TMTC2: variants seen among roughly 807,000 people sequenced by gnomAD.
TMTC2 encodes the protein transmembrane O-mannosyltransferase targeting cadherins 2.
In TMTC2, 43 loss-of-function variants were observed where a neutral mutation model predicts 82.4. The ratio of observed to expected loss-of-function variants is 0.52; its 90% CI spans 0.41 to 0.67. The LOEUF (loss-of-function observed/expected upper bound fraction) is 0.67. Ranked by LOEUF, TMTC2 falls within the 30% of genes least tolerant of loss-of-function variation. The pLI is 0.00. For missense variants in TMTC2, 919 were observed against 1,012.4 expected (o/e 0.91, Z 1.25); for synonymous variants, 408 against 381.9 (o/e 1.07, Z -0.80).
rs774689101 is a variant in TMTC2, at chr12:83,030,809, T to C, written c.2082T>C (p.Ser694=). The C allele has an allele frequency of 6.2e-7, 1 of 1,613,306 alleles. No individual in the cohort carries two copies. Among genetic ancestry groups the C allele is most frequent in the South Asian group, 1.1e-5 (1 of 91,050 alleles). The part of the protein sequence containing the change: ...GKLLALTGRK[S]EAEKLFLKAI... ...CTCTGTTTTTCAAGGGTCGTAAGAG[T>C]GAGGCTGAAAAGCTCTTCTTGAAGG... The change falls in exon 9 of 12, where the codon AGT becomes AGC. Residue 694 remains serine, a synonymous_variant. Transcript: ENST00000321196.
chr12:82,857,213 C>T lies in TMTC2; in HGVS notation c.287C>T (p.Ala96Val), dbSNP rs1401666831. ...CATCTTGTCAATGTCCTGTTGCATG[C>T]AGCAGTCACTGGTCTCTTCACAAGC... ...SYHLVNVLLHAAVTGLFTSFS... is the reference protein window; with the variant it reads ...SYHLVNVLLHVAVTGLFTSFS... The change falls in exon 2 of 12, where the codon GCA (alanine) becomes GTA (valine). Residue 96 changes from alanine (A) to valine (V), a missense_variant. Ala to Val is a moderately conservative substitution (Grantham distance 64). Coordinates refer to ENST00000321196, the MANE Select transcript of TMTC2 (RefSeq NM_152588.3). 5.0e-6 allele frequency: 8 copies of T among 1,614,064 alleles called. No individual in the cohort carries two copies. The African/African-American group carries it at 8.0e-5, about 16-fold the overall frequency.
chr12:82,932,233 G>A (rs1876077184), intron 4 of TMTC2, among the ~76,000 whole-genome samples: 1 of 152,130 alleles, frequency 6.6e-6, no homozygotes, highest in African/African-American at 2.4e-5. Context: ...TTGTTCATAC[G>A]TTGACTTCGT....
At chr12:82,899,868 T>A (rs1243783151) in intron 3 of TMTC2, among the ~76,000 whole-genome samples, 1 of 144,582 alleles carries the variant, frequency 6.9e-6, no homozygotes, top group Non-Finnish European at 1.5e-5. Flanking sequence ...TGTAGGAATA[T>A]ATATACATAT....
At chr12:82,780,562 A>C (rs1208881002) in intron 1 of TMTC2, among the ~76,000 whole-genome samples, 1 of 152,156 alleles carries the variant, frequency 6.6e-6, no homozygotes, top group East Asian at 1.9e-4. Flanking sequence ...AGAGAAGTTC[A>C]CAAAGTTAGT....
chr12:83,026,855 T>C (rs955701627), intron 8 of TMTC2, among the ~76,000 whole-genome samples: 3 of 152,066 alleles, frequency 2.0e-5, no homozygotes, highest in African/African-American at 7.2e-5. Context: ...GCACCTGAGC[T>C]GAACAGTGGT....
intron 1 of TMTC2, among the ~76,000 whole-genome samples, chr12:82,801,453 TG>T (rs1878994250): frequency 6.6e-6 from 1 of 152,132 alleles, no homozygotes; most frequent in African/African-American, 2.4e-5. Context: ...ACTGCAGGCT[TG>T]GGCAGCCTGC....
intron 1 of TMTC2, among the ~76,000 whole-genome samples, chr12:82,840,776 C>A (rs1323562140): frequency 6.6e-6 from 1 of 152,012 alleles, no homozygotes; most frequent in East Asian, 1.9e-4. Flanking sequence ...TTGTTTTGTT[C>A]CGGTTTGTTT....
chr12:82,724,902 C>T (rs1874377527), intron 1 of TMTC2, among the ~76,000 whole-genome samples: 1 of 152,090 alleles, frequency 6.6e-6, no homozygotes, highest in African/African-American at 2.4e-5. Context: ...AAACACATTT[C>T]TGCTGTGAGG....
intron 1 of TMTC2, among the ~76,000 whole-genome samples, chr12:82,761,205 T>C (rs543102038): frequency 6.6e-6 from 1 of 152,348 alleles, no homozygotes; most frequent in East Asian, 1.9e-4. Flanking sequence ...TGTTAGCTTC[T>C]GAGTCTGCAT....
chr12:82,787,306 T>G lies in TMTC2; in HGVS notation c.84-69704T>G, dbSNP rs1380657358. On this transcript the variant is annotated intron_variant, in intron 1 of 11. Transcript: ENST00000321196. ...TTTCTGAGCTGAATTCCATTTTACA[T>G]GTGGGATAGCTTGTTTGTTGTTTTA... Among the ~76,000 whole-genome samples the G allele has an allele frequency of 2.6e-5, 4 of 152,132 alleles. No homozygotes were observed. The East Asian group carries it at 7.7e-4, about 29-fold the overall frequency.
Position 82,699,247 on chromosome 12 carries a change from G to A in TMTC2, c.83+11578G>A, listed in dbSNP as rs555130941. On this transcript the variant is annotated intron_variant, in intron 1 of 11. Transcript: ENST00000321196. Reference sequence around the variant, plus strand: ...TACTCTCTATCCACTCTTGTGGCCAGCAGTTTCCAGTCTCATTACAAAAGC... The same window carrying A: ...TACTCTCTATCCACTCTTGTGGCCAACAGTTTCCAGTCTCATTACAAAAGC... Among the ~76,000 whole-genome samples the A allele has an allele frequency of 4.6e-5, 7 of 152,300 alleles. No individual in the cohort carries two copies. In the South Asian group the frequency reaches 1.5e-3, roughly 32 times the overall value.
chr12:82,701,073 G>A (rs1873053662), intron 1 of TMTC2, among the ~76,000 whole-genome samples: 2 of 152,056 alleles, frequency 1.3e-5, no homozygotes, highest in Non-Finnish European at 2.9e-5. Context: ...ATGATAAGTG[G>A]GGATTATGGG....
intron 1 of TMTC2, among the ~76,000 whole-genome samples, chr12:82,805,738 C>T (rs928382502): frequency 9.2e-5 from 14 of 151,940 alleles, no homozygotes; most frequent in African/African-American, 2.9e-4. Flanking sequence ...ATCTCCTGAC[C>T]TTGTGATCTG....
chr12:83,017,892 T>A (rs942013503), intron 8 of TMTC2, among the ~76,000 whole-genome samples: 1 of 151,594 alleles, frequency 6.6e-6, no homozygotes, highest in African/African-American at 2.4e-5. Flanking sequence ...GGACTAGAAC[T>A]TAGGTTTCAG....
rs528183837 is a variant in TMTC2, at chr12:82,687,636, A to G, written c.50A>G (p.Asn17Ser). 1.9e-4 allele frequency: 300 copies of G among 1,605,078 alleles called. 5 individuals are homozygous for G. The South Asian group carries it at 3.2e-3, about 17-fold the overall frequency. The change falls in exon 1 of 12, where the codon AAC (asparagine) becomes AGC (serine). Residue 17 changes from asparagine (N) to serine (S), a missense_variant. Coordinates refer to ENST00000321196, the MANE Select transcript of TMTC2 (RefSeq NM_152588.3). ...GCTCTGGGGCTCGCCTTGTATCTCA[A>G]CACCCTGAGTGCGGATTTCTGCTAT... Reference protein sequence around the residue: ...SSALGLALYLNTLSADFCYDD... With the variant: ...SSALGLALYLSTLSADFCYDD...
At chr12:82,838,078 A>G (rs185163205) in intron 1 of TMTC2, among the ~76,000 whole-genome samples, 1 of 152,318 alleles carries the variant, frequency 6.6e-6, no homozygotes, top group East Asian at 1.9e-4. Flanking sequence ...TTCTTCACAT[A>G]CATTAAGTAA....
rs376945291 is a variant in TMTC2 at position 82,857,349 on chromosome 12, T to C, written c.423T>C (p.Asp141=). 2 of 1,614,064 alleles carry C rather than the reference T, an allele frequency of 1.2e-6. No individual in the cohort carries two copies. The highest frequency in any genetic ancestry group is 2.7e-5 in the African/African-American group (2 of 74,940). The part of the protein sequence containing the change: ...EAVAGIVGRA[D]VGASLFFLLS... The stretch of plus-strand genomic sequence containing the variant: ...TGGCAGGAATCGTGGGACGAGCCGA[T>C]GTCGGGGCCAGTCTCTTCTTTCTCC... The change falls in exon 2 of 12, where the codon GAT becomes GAC. Residue 141 remains aspartate (D), a synonymous_variant. Transcript: ENST00000321196.
intron 2 of TMTC2, among the ~76,000 whole-genome samples, chr12:82,881,087 T>C (rs896718639): frequency 1.3e-5 from 2 of 152,176 alleles, no homozygotes; most frequent in Admixed American, 6.5e-5. Flanking sequence ...CAACCTGAAA[T>C]AATTTAAAAG....
chr12:83,005,972 G>A (rs1880182773), intron 8 of TMTC2, among the ~76,000 whole-genome samples: 1 of 152,158 alleles, frequency 6.6e-6, no homozygotes, highest in Admixed American at 6.5e-5. Context: ...TGTTGCAGCT[G>A]TCCCCATGCA....
Sources: gnomAD v4.1 joint callset for allele counts (sites outside exome capture counted in the v4.1 genomes callset) on GRCh38, gnomAD v4.1.1 for gene constraint, MANE v1.5 for transcripts, NCBI Gene and HGNC (gene_info 2026-07-23, HGNC 2026-07-21) for gene names.